Variants in DNAH17 observed in about 807,000 individuals in gnomAD.
The protein encoded by DNAH17 is axonemal beta dynein heavy chain 17.
Under a neutral mutation model 485.6 loss-of-function variants are expected in DNAH17, and 376 were observed. That is an observed-to-expected ratio of 0.77 (90% CI 0.71 to 0.84). DNAH17 has a LOEUF of 0.84. Among genes scored for constraint, DNAH17 ranks in the 40% least tolerant of loss-of-function variants. The pLI is 0.00. For missense variants in DNAH17, 6,370 were observed against 5,839.3 expected (o/e 1.09, Z -2.96); for synonymous variants, 3,031 against 2,405.9 (o/e 1.26, Z -7.60).
At chr17:78,448,262 G>T (rs1252069293) in intron 69 of DNAH17, among the ~76,000 whole-genome samples, 1 of 152,016 alleles carries the variant, frequency 6.6e-6, no homozygotes. Flanking sequence ...CTACAGGGAG[G>T]TTGAGGCAGA....
In DNAH17 at chr17:78,434,893, C is replaced by G. The variant is rs1017005503; in HGVS notation, c.12034-673G>C. 5.3e-5 allele frequency among the ~76,000 whole-genome samples: 8 copies of G among 152,186 alleles called. 1 individual carries two copies. Among genetic ancestry groups the G allele is most frequent in the African/African-American group, 1.7e-4 (7 of 41,434 alleles). ...CGGAGCACCTCTGGGGCCAGGCACT[C>G]TGTGTGGGGGGAGGGCTTCAGGCAC... On this transcript the variant is annotated intron_variant, in intron 74 of 80. Coordinates refer to ENST00000389840, the MANE Select transcript of DNAH17 (RefSeq NM_173628.4).
intron 1 of DNAH17, 141 bp from the exon 2 acceptor site, chr17:78,575,223 G>T: frequency 1.5e-6 from 1 of 686,808 alleles, no homozygotes; most frequent in Non-Finnish European, 2.4e-6. Context: ...TTTTAGCTGT[G>T]GTTGGGTTGG....
intron 54 of DNAH17, among the ~76,000 whole-genome samples, chr17:78,469,597 A>AAATAAAT (rs2088651306): frequency 6.6e-6 from 1 of 152,218 alleles, no homozygotes; most frequent in Non-Finnish European, 1.5e-5. Context: ...GGAAAAGAAT[A>AAATAAAT]AAAGAAGGGT....
chr17:78,536,794 G>A (rs1429374570), intron 19 of DNAH17, among the ~76,000 whole-genome samples: 3 of 152,264 alleles, frequency 2.0e-5, no homozygotes, highest in South Asian at 4.1e-4. Flanking sequence ...CAGGTTGACT[G>A]AGAAGAAGCT....
Position 78,571,309 on chromosome 17 carries a change from G to A in DNAH17, c.802C>T (p.Leu268=). The change falls in exon 5 of 81, where the codon CTG becomes TTG. Residue 268 remains leucine, a synonymous_variant. Coordinates refer to ENST00000389840, the MANE Select transcript of DNAH17 (RefSeq NM_173628.4). ...EKAKSCYWPA[L]QNVYTNVTEG... is the part of the protein sequence containing the mutation. ...GTGACGTTGGTGTAAACGTTTTGCA[G>A]GGCTGGCCAGTAGCAGCTTTTGGCT... The A allele has an allele frequency of 6.2e-7, 1 of 1,613,880 alleles. No individual in the cohort carries two copies. Among genetic ancestry groups the A allele is most frequent in the Non-Finnish European group, 8.5e-7 (1 of 1,179,838 alleles).
intron 38 of DNAH17, 124 bp downstream of exon 38, chr17:78,495,751 T>C: frequency 8.2e-7 from 1 of 1,225,186 alleles, no homozygotes; most frequent in Non-Finnish European, 1.1e-6. Flanking sequence ...TTGGGAGCTT[T>C]TGATGACTTC....
intron 48 of DNAH17, among the ~76,000 whole-genome samples, chr17:78,482,444 G>A (rs1026100260): frequency 2.6e-5 from 4 of 152,152 alleles, no homozygotes; most frequent in African/African-American, 7.2e-5. Flanking sequence ...CATTGCAAAT[G>A]TTTTCTTCCA....
At chr17:78,463,632 G>C (rs945542327) in intron 56 of DNAH17, among the ~76,000 whole-genome samples, 1 of 152,248 alleles carries the variant, frequency 6.6e-6, no homozygotes, top group Non-Finnish European at 1.5e-5. Context: ...CTGCATACCT[G>C]AAAAAGTACA....
chr17:78,505,900 C>T (rs577063011), intron 30 of DNAH17, among the ~76,000 whole-genome samples: 234 of 152,236 alleles, frequency 1.5e-3, no homozygotes, highest in Non-Finnish European at 2.4e-3. Flanking sequence ...ATCACCTGAA[C>T]CCAGGAGGCA....
At chr17:78,560,971 T>G in intron 12 of DNAH17, 36 bp from the exon 13 acceptor site, 1 of 1,519,128 alleles carries the variant, frequency 6.6e-7, no homozygotes, top group Non-Finnish European at 8.9e-7. Flanking sequence ...CCCCACTGGA[T>G]ATCTCCTGTG....
intron 21 of DNAH17, 114 bp downstream of exon 21, chr17:78,530,229 C>G: frequency 7.7e-6 from 10 of 1,305,338 alleles, no homozygotes; most frequent in Non-Finnish European, 1.0e-5. Context: ...CCAGCCTCCA[C>G]CCCCTGCTAC....
chr17:78,430,186 C>G (rs1383504940), intron 75 of DNAH17, among the ~76,000 whole-genome samples: 1 of 152,244 alleles, frequency 6.6e-6, no homozygotes, highest in African/African-American at 2.4e-5. Context: ...CGTTTTGGAG[C>G]CTCTTTCTCC....
At chr17:78,478,425 T>C (rs1411084097) in intron 51 of DNAH17, among the ~76,000 whole-genome samples, 2 of 148,630 alleles carry the variant, frequency 1.3e-5, no homozygotes, top group Non-Finnish European at 3.0e-5. Context: ...ATCACCATCA[T>C]CACCACCATC....
At chr17:78,502,772 A>G in intron 32 of DNAH17, 74 bp from the exon 33 acceptor site, 1 of 1,591,980 alleles carries the variant, frequency 6.3e-7, no homozygotes, top group Non-Finnish European at 8.5e-7. Flanking sequence ...ATTCCTGCTG[A>G]AAGCTTAGAT....
Position 78,506,733 on chromosome 17 carries a change from T to C in DNAH17, c.4790A>G (p.Asn1597Ser). Residue 1597 changes from asparagine to serine, a missense_variant, in exon 30 of 81, where the codon AAT becomes AGT. Asn to Ser is a conservative substitution (Grantham distance 46). Transcript: ENST00000389840. Reference sequence around the variant, plus strand: ...GGCCCCGCCTACCTCCACGGGGTCATTGCCATTGGAGAGAATGTCCAGGAG... The same window carrying C: ...GGCCCCGCCTACCTCCACGGGGTCACTGCCATTGGAGAGAATGTCCAGGAG... ...ADLLDILSNG[N>S]DPVEVSRHLS... The C allele has an allele frequency of 6.2e-7, 1 of 1,613,980 alleles. No homozygotes were observed. The highest frequency in any genetic ancestry group is 8.5e-7 in the Non-Finnish European group (1 of 1,179,880).
chr17:78,552,572 G>C (rs2091927528), intron 15 of DNAH17, 125 bp downstream of exon 15: 1 of 507,020 alleles, frequency 2.0e-6, no homozygotes, highest in Admixed American at 3.0e-5. Context: ...TAGCCCCCTT[G>C]AAGTTAAAGC....
rs945191495 is a variant in DNAH17 at position 78,446,640 on chromosome 17, A to T, written c.11212-960T>A. Among the ~76,000 whole-genome samples the T allele has an allele frequency of 6.6e-5, 10 of 151,350 alleles. No individual in the cohort carries two copies. In the East Asian group the frequency reaches 1.9e-3, roughly 29 times the overall value. On this transcript the variant is annotated intron_variant, in intron 69 of 80. Coordinates refer to ENST00000389840, the MANE Select transcript of DNAH17 (RefSeq NM_173628.4). ...GCTGATTTTTTAAATTTATTTTATT[A>T]TTTATTATTATTTATTTTTTTGAGA...
At chr17:78,452,495 G>C (rs2090564437) in intron 65 of DNAH17, among the ~76,000 whole-genome samples, 1 of 152,034 alleles carries the variant, frequency 6.6e-6, no homozygotes. Context: ...CCCAGCACTT[G>C]GGGAGGCCGA....
At chr17:78,468,148 A>T (rs1471698423) in intron 55 of DNAH17, among the ~76,000 whole-genome samples, 1 of 134,826 alleles carries the variant, frequency 7.4e-6, no homozygotes, top group Non-Finnish European at 1.6e-5. Context: ...CCAACCATGG[A>T]CTGAAAATTG....
Sources: allele counts gnomAD v4.1 joint callset (sites outside exome capture counted in the v4.1 genomes callset), GRCh38; gene constraint gnomAD v4.1.1; transcripts MANE v1.5; gene names NCBI Gene and HGNC (gene_info 2026-07-23, HGNC 2026-07-21).